Variants in USP45 observed in about 807,000 individuals in gnomAD.
USP45 encodes the protein ubiquitin carboxyl-terminal hydrolase 45.
USP45 carries 89 observed loss-of-function variants against 95.8 expected under a neutral mutation model. The observed-to-expected ratio is 0.93, with a 90% CI of 0.78 to 1.11. The LOEUF (loss-of-function observed/expected upper bound fraction) is 1.11. Among genes scored for constraint, USP45 ranks in the 50% least tolerant of loss-of-function variants. The pLI is 0.00. For synonymous variants in USP45, 281 were observed against 316.2 expected, an observed-to-expected ratio of 0.89 and a Z score of 1.18; for missense variants, 898 against 942.5, an observed-to-expected ratio of 0.95 and a Z score of 0.62.
At chr6:99,456,132 CGGAAA>C (rs1785020290) in intron 13 of USP45, among the ~76,000 whole-genome samples, 1 of 87,662 alleles carries the variant, frequency 1.1e-5, no homozygotes, top group African/African-American at 4.4e-5. Context: ...GACTCTGTCT[CGGAAA>C]AAAAAAAAAA....
At chr6:99,514,948 G>A (rs1275915051) in intron 1 of USP45, 3 of 152,150 alleles carry the variant, frequency 2.0e-5, no homozygotes, top group Non-Finnish European at 2.9e-5. Context: ...GCCAGTAAGC[G>A]GTGGATGGAG....
Position 99,446,613 on chromosome 6 carries a change from T to C in USP45, c.1309-150A>G, listed in dbSNP as rs966445962. Reference sequence around the variant, plus strand: ...CTGAAACTAAGATCACTAGAAGATATACTAAAAAATAGTTCTATTTTAAAA... The same window carrying C: ...CTGAAACTAAGATCACTAGAAGATACACTAAAAAATAGTTCTATTTTAAAA... On this transcript the variant is annotated intron_variant, in intron 13 of 17. Transcript: ENST00000500704. 6 of 762,190 alleles carry C rather than the reference T, an allele frequency of 7.9e-6. No individual in the cohort carries two copies. The Admixed American group carries it at 8.9e-5, about 11-fold the overall frequency. The allele number at this position is 762,190 out of a possible 1,614,324, so 47.2% of individuals were successfully genotyped here.
At chr6:99,480,319 C>T (rs1293085122) in intron 8 of USP45, among the ~76,000 whole-genome samples, 1 of 152,050 alleles carries the variant, frequency 6.6e-6, no homozygotes, top group Non-Finnish European at 1.5e-5. Flanking sequence ...TGATTCTCCC[C>T]AAATTGATCT....
chr6:99,505,712 C>T (rs1187000632), intron 4 of USP45, among the ~76,000 whole-genome samples: 4 of 152,062 alleles, frequency 2.6e-5, no homozygotes, highest in Admixed American at 6.6e-5. Context: ...TTCTTACCCA[C>T]CTTTTTCTAA....
chr6:99,471,383 T>C (rs1048738033), intron 9 of USP45, among the ~76,000 whole-genome samples: 26 of 152,192 alleles, frequency 1.7e-4, no homozygotes, highest in Admixed American at 1.2e-3. Context: ...CCTTATACTT[T>C]AAAAACAAGA....
intron 8 of USP45, among the ~76,000 whole-genome samples, chr6:99,479,167 C>T (rs950280735): frequency 9.3e-5 from 13 of 139,246 alleles, no homozygotes; most frequent in African/African-American, 2.5e-4. Flanking sequence ...CATATATACA[C>T]ACACACACAC....
chr6:99,465,914 G>A (rs973218072), intron 11 of USP45, among the ~76,000 whole-genome samples: 6 of 152,052 alleles, frequency 3.9e-5, no homozygotes, highest in African/African-American at 1.4e-4. Context: ...AGTTCAAAGT[G>A]AGTGAAGTCT....
chr6:99,460,851 T>C lies in USP45; in HGVS notation c.1308+3753A>G, dbSNP rs1786269667. The C allele has an allele frequency of 3.1e-6, 3 of 978,494 alleles. No individual in the cohort carries two copies. In the South Asian group the frequency reaches 1.4e-4, roughly 46 times the overall value. The allele number at this position is 978,494 out of a possible 1,614,324, so 60.6% of individuals were successfully genotyped here. A position where few individuals can be genotyped will look rare whatever the true frequency, so the allele number is the denominator to read the frequency against. On this transcript the variant is annotated intron_variant, in intron 13 of 17. Coordinates refer to ENST00000500704, the MANE Select transcript of USP45 (RefSeq NM_001346022.3). ...ATAACTAAAAAGAAAACAGAGGAAA[T>C]AAGATGGAACACAAAAATTATTCAA...
At chr6:99,442,915 T>C (rs1427945017) in intron 15 of USP45, among the ~76,000 whole-genome samples, 1 of 151,472 alleles carries the variant, frequency 6.6e-6, no homozygotes, top group South Asian at 2.1e-4. Flanking sequence ...ACAATTAAGA[T>C]TTTTATTTGA....
chr6:99,450,360 T>C (rs1189243422), intron 13 of USP45, among the ~76,000 whole-genome samples: 1 of 152,144 alleles, frequency 6.6e-6, no homozygotes, highest in Non-Finnish European at 1.5e-5. Context: ...ATATCACCAC[T>C]GATCCCACAG....
At position 99,446,097 on chromosome 6, in the gene USP45, T is replaced by C; in HGVS notation, c.1675A>G (p.Ile559Val). 3 of 1,614,100 alleles carry C rather than the reference T, an allele frequency of 1.9e-6. No homozygotes were observed. Among genetic ancestry groups the C allele is most frequent in the Non-Finnish European group, 2.5e-6 (3 of 1,180,048 alleles). Reference protein sequence around the residue: ...DSGDKEMAEAISELRLSSTVT... With the variant: ...DSGDKEMAEAVSELRLSSTVT... ...GTGCTGCTCAAACGAAGTTCAGAAA[T>C]AGCTTCTGCCATTTCCTTATCACCA... is the stretch of plus-strand genomic sequence containing the variant. The change falls in exon 14 of 18, where the codon ATT becomes GTT. Residue 559 changes from isoleucine (I) to valine (V), a missense_variant. Coordinates refer to ENST00000500704, the MANE Select transcript of USP45 (RefSeq NM_001346022.3).
chr6:99,489,124 T>C (rs998221754), intron 5 of USP45, among the ~76,000 whole-genome samples: 2 of 152,108 alleles, frequency 1.3e-5, no homozygotes, highest in African/African-American at 4.8e-5. Context: ...AACTTCTAAA[T>C]ACCATTACCC....
At chr6:99,437,035 A>G (rs991438546) in intron 17 of USP45, among the ~76,000 whole-genome samples, 2 of 151,674 alleles carry the variant, frequency 1.3e-5, no homozygotes, top group African/African-American at 4.8e-5. Flanking sequence ...CAGGAGACAG[A>G]GGTTGCAGTG....
chr6:99,516,648 T>A (rs988400557), upstream of USP45, among the ~76,000 whole-genome samples: 49 of 152,328 alleles, frequency 3.2e-4, no homozygotes, highest in African/African-American at 1.1e-3. Flanking sequence ...GGATAATTTT[T>A]TTCCCTAGGG....
At chr6:99,457,332 G>A (rs866274392) in intron 13 of USP45, among the ~76,000 whole-genome samples, 14 of 152,180 alleles carry the variant, frequency 9.2e-5, no homozygotes, top group South Asian at 2.1e-4. Flanking sequence ...TGGTTTTTGC[G>A]GCTTGTGGGG....
intron 4 of USP45, among the ~76,000 whole-genome samples, chr6:99,505,536 G>A (rs1583454377): frequency 1.3e-5 from 2 of 151,148 alleles, no homozygotes; most frequent in Admixed American, 6.6e-5. Context: ...CGTGGTGGCG[G>A]GCACCTGTAA....
chr6:99,511,838 AGT>A (rs1213260388), intron 1 of USP45, among the ~76,000 whole-genome samples: 752 of 16,358 alleles, frequency 0.046, 4 homozygotes, highest in South Asian at 0.073. Flanking sequence ...TATGTATGTG[AGT>A]GTGTGTATAT....
chr6:99,498,184 T>C (rs1158722700), intron 5 of USP45, among the ~76,000 whole-genome samples: 3 of 152,176 alleles, frequency 2.0e-5, no homozygotes, highest in African/African-American at 7.2e-5. Context: ...CAACATCTAA[T>C]GCAGCATCTG....
At chr6:99,441,269 T>A (rs1413910457) in intron 15 of USP45, among the ~76,000 whole-genome samples, 2 of 152,112 alleles carry the variant, frequency 1.3e-5, no homozygotes, top group Non-Finnish European at 2.9e-5. Flanking sequence ...CGGTGGCTCA[T>A]GCCTGTAATC....
Sources: gnomAD v4.1 joint callset for allele counts (sites outside exome capture counted in the v4.1 genomes callset) on GRCh38, gnomAD v4.1.1 for gene constraint, MANE v1.5 for transcripts, NCBI Gene and HGNC (gene_info 2026-07-23, HGNC 2026-07-21) for gene names.